The following CDH12 variants were observed in gnomAD, a reference collection of about 807,000 sequenced individuals.
CDH12 encodes cadherin 12, also known as cadherin-12.
In CDH12, 41 loss-of-function variants were observed where a neutral mutation model predicts 74.1. That is an observed-to-expected ratio of 0.55 (90% CI 0.43 to 0.72). The LOEUF (loss-of-function observed/expected upper bound fraction) is 0.72, where lower values mean the gene tolerates loss of function less well. CDH12 is among the 30% of genes least tolerant of loss of function. The pLI is 0.00. For missense variants in CDH12, 945 were observed against 977.2 expected (o/e 0.97, Z 0.44); for synonymous variants, 399 against 355.0 (o/e 1.12, Z -1.39).
At position 21,780,231 on chromosome 5, in the gene CDH12, C is replaced by T. The variant is rs979702823; in HGVS notation, c.1393+3127G>A. Among the ~76,000 whole-genome samples the T allele has an allele frequency of 1.3e-4, 20 of 152,232 alleles. 1 individual carries two copies. Among genetic ancestry groups the T allele is most frequent in the South Asian group, 4.1e-4 (2 of 4,824 alleles). On this transcript the variant is annotated intron_variant, in intron 11 of 14. Transcript: ENST00000382254. The stretch of plus-strand genomic sequence containing the variant: ...CAGCAGCTGGTAGTGTGACAGAGCC[C>T]GCATATGCACCAATCATATTAATAA...
intron 1 of CDH12, among the ~76,000 whole-genome samples, chr5:22,811,420 G>A (rs1002156757): frequency 5.3e-5 from 8 of 152,036 alleles, no homozygotes; most frequent in South Asian, 4.1e-4. Flanking sequence ...ATTCAGTGGC[G>A]GAAGTTGCTT....
intron 6 of CDH12, among the ~76,000 whole-genome samples, chr5:21,881,585 A>AT (rs888490111): frequency 1.3e-5 from 2 of 151,994 alleles, no homozygotes; most frequent in African/African-American, 4.8e-5. Context: ...GGCACAACAT[A>AT]TTTTTTCCAT....
chr5:21,917,246 C>G (rs2150068813), intron 6 of CDH12, among the ~76,000 whole-genome samples: 2 of 152,284 alleles, frequency 1.3e-5, no homozygotes, highest in East Asian at 1.9e-4. Context: ...CCAATGGGCT[C>G]TGACCTGGCC....
chr5:22,315,172 C>A (rs1312476392), intron 3 of CDH12, among the ~76,000 whole-genome samples: 1 of 127,146 alleles, frequency 7.9e-6, no homozygotes, highest in African/African-American at 2.9e-5. Context: ...CCGTGTTAGC[C>A]GGGATGGTCT....
chr5:22,073,492 T>C (rs1246267818), intron 5 of CDH12, among the ~76,000 whole-genome samples: 1 of 152,172 alleles, frequency 6.6e-6, no homozygotes, highest in East Asian at 1.9e-4. Context: ...TGTATGTCTG[T>C]AATAATGCAA....
intron 3 of CDH12, among the ~76,000 whole-genome samples, chr5:22,294,938 A>C (rs1222340450): frequency 6.6e-6 from 1 of 152,188 alleles, no homozygotes; most frequent in African/African-American, 2.4e-5. Flanking sequence ...AAATGTAATC[A>C]TCAAGAACGA....
At chr5:21,928,603 T>C (rs571308126) in intron 6 of CDH12, among the ~76,000 whole-genome samples, 1 of 152,324 alleles carries the variant, frequency 6.6e-6, no homozygotes, top group East Asian at 1.9e-4. Flanking sequence ...TATCAGCCAT[T>C]TGTGTCACTG....
chr5:22,057,982 G>A (rs186232214), intron 5 of CDH12, among the ~76,000 whole-genome samples: 29 of 151,858 alleles, frequency 1.9e-4, no homozygotes, highest in African/African-American at 7.0e-4. Context: ...TATTTTCAAA[G>A]TTTAGTTTTC....
chr5:22,269,096 C>T (rs1736265896), intron 3 of CDH12, among the ~76,000 whole-genome samples: 1 of 152,078 alleles, frequency 6.6e-6, no homozygotes, highest in African/African-American at 2.4e-5. Context: ...ATAATATCTT[C>T]TATGCAAGCT....
intron 1 of CDH12, among the ~76,000 whole-genome samples, chr5:22,591,891 T>C (rs1368887202): frequency 6.6e-6 from 1 of 152,224 alleles, no homozygotes; most frequent in African/African-American, 2.4e-5. Context: ...ACTTTGTCCT[T>C]TGATGAACTA....
At chr5:22,801,621 C>A (rs1748516891) in intron 1 of CDH12, among the ~76,000 whole-genome samples, 1 of 116,968 alleles carries the variant, frequency 8.5e-6, no homozygotes, top group Non-Finnish European at 1.7e-5. Context: ...TTACAATTAC[C>A]TTCACTCTGC....
At chr5:21,986,704 T>C (rs930764588) in intron 5 of CDH12, among the ~76,000 whole-genome samples, 1 of 152,166 alleles carries the variant, frequency 6.6e-6, no homozygotes, top group Admixed American at 6.5e-5. Flanking sequence ...CAGAATACTA[T>C]ATAAATGTAT....
intron 9 of CDH12, among the ~76,000 whole-genome samples, chr5:21,806,682 A>G (rs1747443720): frequency 6.6e-6 from 1 of 152,158 alleles, no homozygotes; most frequent in Admixed American, 6.5e-5. Context: ...GTAATTTTTC[A>G]GCAAACCTTT....
chr5:21,754,155 A>G (rs1366402860), intron 14 of CDH12, among the ~76,000 whole-genome samples: 1 of 152,114 alleles, frequency 6.6e-6, no homozygotes, highest in Non-Finnish European at 1.5e-5. Flanking sequence ...TAAGGTTGTG[A>G]TGGCCTTTGT....
chr5:22,095,292 A>G (rs1028767112), intron 4 of CDH12, among the ~76,000 whole-genome samples: 22 of 151,992 alleles, frequency 1.4e-4, no homozygotes, highest in Admixed American at 5.9e-4. Flanking sequence ...CCACCCTTCA[A>G]TCTCTCCCTT....
intron 3 of CDH12, among the ~76,000 whole-genome samples, chr5:22,243,987 A>C (rs2150382350): frequency 6.6e-6 from 1 of 152,294 alleles, no homozygotes; most frequent in Non-Finnish European, 1.5e-5. Flanking sequence ...TTAAATTGGG[A>C]TCTTAAAGAG....
intron 3 of CDH12, among the ~76,000 whole-genome samples, chr5:22,275,599 A>G (rs1736598250): frequency 1.3e-5 from 2 of 152,170 alleles, no homozygotes; most frequent in Non-Finnish European, 2.9e-5. Context: ...GAGATTTCAA[A>G]TAAGGCTTAA....
At position 22,322,981 on chromosome 5, in the gene CDH12, T is replaced by C. The variant is rs76945070; in HGVS notation, c.-333+82276A>G. On this transcript the variant is annotated intron_variant, in intron 3 of 14. Transcript: ENST00000382254. ...ACCCTAAAAGTGCAACCAATCTGTA[T>C]ATTTGGCTCCCAGTTCTCATTTAAA... Among the ~76,000 whole-genome samples, 177 of 152,344 alleles carry C rather than the reference T, an allele frequency of 1.2e-3. 1 individual carries two copies. Among genetic ancestry groups the C allele is most frequent in the African/African-American group, 4.1e-3 (170 of 41,596 alleles).
At chr5:22,711,452 A>G (rs781443392) in intron 1 of CDH12, among the ~76,000 whole-genome samples, 1 of 152,152 alleles carries the variant, frequency 6.6e-6, no homozygotes, top group Non-Finnish European at 1.5e-5. Context: ...CAAAATACCC[A>G]GGCATAACAA....
Sources: gnomAD v4.1 joint callset for allele counts (sites outside exome capture counted in the v4.1 genomes callset) on GRCh38, gnomAD v4.1.1 for gene constraint, MANE v1.5 for transcripts, NCBI Gene and HGNC (gene_info 2026-07-23, HGNC 2026-07-21) for gene names.